CDH2: variants seen among roughly 807,000 people sequenced by gnomAD.
The protein encoded by CDH2 is cadherin 2, also known as cadherin-2.
CDH2 carries 17 observed loss-of-function variants against 92.0 expected under a neutral mutation model. The ratio of observed to expected loss-of-function variants is 0.18; its 90% CI spans 0.13 to 0.28. CDH2 has a LOEUF of 0.28. Ranked by LOEUF, CDH2 falls within the 10% of genes least tolerant of loss-of-function variation. The pLI is 1.00. For missense variants in CDH2, 862 were observed against 1,133.1 expected (o/e 0.76, Z 3.44); for synonymous variants, 419 against 415.9 (o/e 1.01, Z -0.09).
chr18:27,992,262 G>A (rs1050151525), intron 9 of CDH2, among the ~76,000 whole-genome samples: 1 of 152,158 alleles, frequency 6.6e-6, no homozygotes, highest in African/African-American at 2.4e-5. Context: ...ATTTCAGAAT[G>A]TGATATATCA....
intron 2 of CDH2, among the ~76,000 whole-genome samples, chr18:28,077,382 A>T (rs2014741205): frequency 6.6e-6 from 1 of 152,204 alleles, no homozygotes; most frequent in South Asian, 2.1e-4. Flanking sequence ...CGGATCAGAA[A>T]TTAAAATAAG....
chr18:28,066,238 G>C (rs2014504215), intron 2 of CDH2, among the ~76,000 whole-genome samples: 1 of 152,076 alleles, frequency 6.6e-6, no homozygotes. Flanking sequence ...AGCCAAAGCA[G>C]ACACTTACTA....
intron 14 of CDH2, among the ~76,000 whole-genome samples, chr18:27,968,588 G>C (rs1385444172): frequency 2.6e-5 from 4 of 152,170 alleles, no homozygotes; most frequent in African/African-American, 4.8e-5. Context: ...ATGGAGGAGA[G>C]GGGTGGACAC....
At chr18:28,111,112 C>A (rs2015404144) in intron 2 of CDH2, among the ~76,000 whole-genome samples, 1 of 152,208 alleles carries the variant, frequency 6.6e-6, no homozygotes, top group Non-Finnish European at 1.5e-5. Context: ...CAAGCCCAGT[C>A]TGCAGTGGCG....
At chr18:28,079,198 C>T (rs1475445098) in intron 2 of CDH2, among the ~76,000 whole-genome samples, 1 of 152,216 alleles carries the variant, frequency 6.6e-6, no homozygotes, top group Non-Finnish European at 1.5e-5. Context: ...AATTCCCCCT[C>T]ATCATCATCC....
Position 28,176,954 on chromosome 18 carries a change from G to T in CDH2, c.60+9C>A. On this transcript the variant is annotated intron_variant, in intron 1 of 15. Coordinates refer to ENST00000269141, the MANE Select transcript of CDH2 (RefSeq NM_001792.5). ...GCCCGTGGCCCGGCCCGCGGGGACC[G>T]CCGCGTACCTGAAGCAGGGCCGCCA... is the stretch of plus-strand genomic sequence containing the variant. 2 of 1,325,554 alleles carry T rather than the reference G, an allele frequency of 1.5e-6. No individual in the cohort carries two copies. The highest frequency in any genetic ancestry group is 1.9e-5 in the South Asian group (1 of 52,024). 82.1% of individuals were successfully genotyped at this position (1,325,554 alleles called of 1,614,324 possible).
intron 2 of CDH2, among the ~76,000 whole-genome samples, chr18:28,140,942 TAGTC>T (rs969640756): frequency 1.5e-4 from 23 of 151,012 alleles, no homozygotes; most frequent in African/African-American, 5.6e-4. Flanking sequence ...GAAATATCGT[TAGTC>T]ATTAATGCAA....
chr18:27,955,369 T>TAAAAA (rs760993428), intron 15 of CDH2, among the ~76,000 whole-genome samples: 1 of 30,986 alleles, frequency 3.2e-5, no homozygotes, highest in African/African-American at 1.0e-4. Context: ...AGTATAATAG[T>TAAAAA]AAAAAAAAAA....
chr18:27,992,603 T>C, intron 9 of CDH2, 52 bp downstream of exon 9: 1 of 1,450,564 alleles, frequency 6.9e-7, no homozygotes, highest in Admixed American at 1.9e-5. Context: ...GGACATATAT[T>C]GGTCCTTGCT....
At chr18:27,981,621 C>T (rs2012059025) in intron 14 of CDH2, among the ~76,000 whole-genome samples, 1 of 152,118 alleles carries the variant, frequency 6.6e-6, no homozygotes, top group Non-Finnish European at 1.5e-5. Flanking sequence ...AAATGGAAAA[C>T]TCTAAGGGGC....
chr18:28,115,181 C>A (rs919267883), intron 2 of CDH2, among the ~76,000 whole-genome samples: 1 of 152,110 alleles, frequency 6.6e-6, no homozygotes, highest in Non-Finnish European at 1.5e-5. Flanking sequence ...TTACTCAGAG[C>A]GCTAGCTCCT....
At chr18:27,988,067 A>T (rs181378558) in intron 11 of CDH2, among the ~76,000 whole-genome samples, 1 of 152,220 alleles carries the variant, frequency 6.6e-6, no homozygotes, top group Non-Finnish European at 1.5e-5. Context: ...TAAAACCCAT[A>T]CCCTGAAGCT....
intron 15 of CDH2, among the ~76,000 whole-genome samples, chr18:27,955,907 C>A (rs2011235607): frequency 6.6e-6 from 1 of 152,024 alleles, no homozygotes; most frequent in South Asian, 2.1e-4. Context: ...AGTTCTTAGA[C>A]AAGCCAGCTT....
intron 2 of CDH2, among the ~76,000 whole-genome samples, chr18:28,067,441 A>G (rs1438751302): frequency 6.6e-6 from 1 of 152,126 alleles, no homozygotes; most frequent in Non-Finnish European, 1.5e-5. Flanking sequence ...TTCTGTCTCT[A>G]TAAGATTTAC....
chr18:28,108,636 A>G (rs1289907922), intron 2 of CDH2, among the ~76,000 whole-genome samples: 1 of 152,184 alleles, frequency 6.6e-6, no homozygotes, highest in African/African-American at 2.4e-5. Context: ...CGCATGCTCA[A>G]TATATGTAAA....
intron 7 of CDH2, among the ~76,000 whole-genome samples, chr18:27,993,995 T>C (rs137855998): frequency 3.4e-4 from 52 of 152,360 alleles, no homozygotes; most frequent in Non-Finnish European, 7.2e-4. Context: ...CTTTCTTCTA[T>C]GTTAATTTCT....
intron 8 of CDH2, among the ~76,000 whole-genome samples, chr18:27,993,238 T>C (rs1172910057): frequency 3.3e-5 from 5 of 152,224 alleles, no homozygotes. Context: ...AAGCATTTTG[T>C]TGTAACAGCA....
chr18:28,167,373 CAAAA>C (rs2016401768), intron 1 of CDH2, among the ~76,000 whole-genome samples: 1 of 151,920 alleles, frequency 6.6e-6, no homozygotes, highest in Admixed American at 6.6e-5. Flanking sequence ...CCTTTAGCTG[CAAAA>C]AATGATTAAT....
At chr18:28,140,017 C>G (rs2015927521) in intron 2 of CDH2, among the ~76,000 whole-genome samples, 2 of 151,912 alleles carry the variant, frequency 1.3e-5, no homozygotes, top group Admixed American at 6.6e-5. Context: ...TCACAGTGCT[C>G]AAACACCACA....
Sources: gnomAD v4.1 joint callset for allele counts (sites outside exome capture counted in the v4.1 genomes callset) on GRCh38, gnomAD v4.1.1 for gene constraint, MANE v1.5 for transcripts, NCBI Gene and HGNC (gene_info 2026-07-23, HGNC 2026-07-21) for gene names.